RPS6KA5: variants seen among roughly 807,000 people sequenced by gnomAD.
RPS6KA5 encodes the protein ribosomal protein S6 kinase A5, also known as ribosomal protein S6 kinase alpha-5.
In RPS6KA5, 27 loss-of-function variants were observed where a neutral mutation model predicts 85.5. The ratio of observed to expected loss-of-function variants is 0.32; its 90% CI spans 0.23 to 0.44. The LOEUF (loss-of-function observed/expected upper bound fraction) is 0.44. Ranked by LOEUF, RPS6KA5 falls within the 20% of genes least tolerant of loss-of-function variation. The probability of loss-of-function intolerance (pLI) is 1.00; values close to 1 mark genes in which losing one functional copy is unlikely to be tolerated. For missense variants in RPS6KA5, 811 were observed against 980.9 expected (o/e 0.83, Z 2.31); for synonymous variants, 334 against 348.2 (o/e 0.96, Z 0.46).
At chr14:91,054,163 C>T (rs2043209307) in intron 1 of RPS6KA5, among the ~76,000 whole-genome samples, 1 of 152,164 alleles carries the variant, frequency 6.6e-6, no homozygotes, top group African/African-American at 2.4e-5. Context: ...GTCTGAATCA[C>T]TACCTCACAT....
intron 5 of RPS6KA5, among the ~76,000 whole-genome samples, chr14:90,929,872 T>C (rs936318863): frequency 7.2e-5 from 11 of 152,108 alleles, no homozygotes; most frequent in African/African-American, 2.7e-4. Context: ...GATAGGCTTT[T>C]TTTTCTTTTC....
In RPS6KA5 at chr14:90,869,680, T is replaced by G. The variant is rs1409689651; in HGVS notation, c.*2394A>C. 2 of 152,226 alleles carry G rather than the reference T, an allele frequency of 1.3e-5. No homozygotes were observed. Among genetic ancestry groups the G allele is most frequent in the African/African-American group, 4.8e-5 (2 of 41,458 alleles). The allele number at this position is 152,226 out of a possible 1,614,324, so 9.4% of individuals were successfully genotyped here. A position where few individuals can be genotyped will look rare whatever the true frequency, so the allele number is the denominator to read the frequency against. ...TTAACTTTTTATATATTTTGTAGTGTTTATTTTTGATGTGACCAAATGAAA... is the reference window on the plus strand; with the variant it reads ...TTAACTTTTTATATATTTTGTAGTGGTTATTTTTGATGTGACCAAATGAAA... On this transcript the variant is annotated 3_prime_UTR_variant, in exon 17 of 17. Transcript: ENST00000614987.
chr14:90,963,330 A>AT (rs1326525302), intron 3 of RPS6KA5, among the ~76,000 whole-genome samples: 7 of 152,362 alleles, frequency 4.6e-5, no homozygotes, highest in South Asian at 2.1e-4. Context: ...AACATCATTA[A>AT]TGTGGAGTCA....
At chr14:90,901,902 AGGGGCACGGT>A (rs2035190395) in intron 9 of RPS6KA5, among the ~76,000 whole-genome samples, 1 of 152,180 alleles carries the variant, frequency 6.6e-6, no homozygotes, top group Non-Finnish European at 1.5e-5. Flanking sequence ...ATGGGGGTTG[AGGGGCACGGT>A]GGCTCATGCC....
intron 5 of RPS6KA5, among the ~76,000 whole-genome samples, chr14:90,925,093 C>T (rs374444071): frequency 6.6e-6 from 1 of 152,162 alleles, no homozygotes; most frequent in East Asian, 1.9e-4. Flanking sequence ...CGCCAAAGAC[C>T]GGGCTCACAA....
intron 9 of RPS6KA5, 78 bp from the exon 10 acceptor site, chr14:90,900,814 T>C: frequency 7.8e-7 from 1 of 1,277,018 alleles, no homozygotes; most frequent in South Asian, 1.5e-5. Flanking sequence ...TGTAATGACT[T>C]TTTTTCCTTA....
intron 7 of RPS6KA5, among the ~76,000 whole-genome samples, chr14:90,910,405 G>T (rs766202610): frequency 6.6e-6 from 1 of 152,040 alleles, no homozygotes; most frequent in Non-Finnish European, 1.5e-5. Flanking sequence ...GATGGGAGAG[G>T]TACAGATACA....
chr14:90,926,026 A>G (rs1297053278), intron 5 of RPS6KA5, among the ~76,000 whole-genome samples: 1 of 152,092 alleles, frequency 6.6e-6, no homozygotes, highest in African/African-American at 2.4e-5. Flanking sequence ...GCAATAAAAA[A>G]GGCAGACTAA....
chr14:90,971,836 G>C (rs2039335323), intron 3 of RPS6KA5, among the ~76,000 whole-genome samples: 1 of 152,168 alleles, frequency 6.6e-6, no homozygotes, highest in African/African-American at 2.4e-5. Context: ...CAGCAAAACT[G>C]AGAGAAAGAA....
At chr14:90,965,540 G>C (rs1471803748) in intron 3 of RPS6KA5, among the ~76,000 whole-genome samples, 1 of 152,128 alleles carries the variant, frequency 6.6e-6, no homozygotes, top group Admixed American at 6.6e-5. Context: ...AGACAGTAAT[G>C]GGATTGTGGG....
intron 1 of RPS6KA5, among the ~76,000 whole-genome samples, chr14:91,034,983 A>G (rs1043223633): frequency 1.3e-5 from 2 of 152,102 alleles, no homozygotes; most frequent in Admixed American, 6.6e-5. Flanking sequence ...GGGAGGGGAG[A>G]CAAATATATA....
chr14:90,899,372 C>A lies in RPS6KA5; in HGVS notation c.1430G>T (p.Gly477Val). ...ATGCAACTTCACAATATTGGGGTGTCCTTCACAGAGTTTCAGAGCTGTTAT... is the reference window on the plus strand; with the variant it reads ...ATGCAACTTCACAATATTGGGGTGTACTTCACAGAGTTTCAGAGCTGTTAT... ...KEITALKLCE[G>V]HPNIVKLHEV... The change falls in exon 12 of 17, where the codon GGA (glycine) becomes GTA (valine). Residue 477 changes from glycine to valine, a missense_variant. Physicochemically the swap from Gly to Val is moderately radical, Grantham distance 109 (BLOSUM62 -3). Transcript: ENST00000614987. 6.2e-7 allele frequency: 1 copy of A among 1,612,560 alleles called. No homozygotes were observed. The highest frequency in any genetic ancestry group is 1.1e-5 in the South Asian group (1 of 90,998).
chr14:90,952,314 A>C (rs930161081), intron 3 of RPS6KA5, among the ~76,000 whole-genome samples: 30 of 152,372 alleles, frequency 2.0e-4, no homozygotes, highest in African/African-American at 5.0e-4. Context: ...CTCCAGGAAA[A>C]GTACAATGTT....
At chr14:91,017,342 A>G (rs1001503617) in intron 1 of RPS6KA5, among the ~76,000 whole-genome samples, 1 of 152,230 alleles carries the variant, frequency 6.6e-6, no homozygotes, top group Non-Finnish European at 1.5e-5. Context: ...TATTTCTGTC[A>G]CAACTACCAT....
At chr14:90,902,724 C>A in intron 9 of RPS6KA5, 84 bp downstream of exon 9, 2 of 1,305,388 alleles carry the variant, frequency 1.5e-6, no homozygotes, top group Admixed American at 2.4e-5. Flanking sequence ...ATGATGCCAA[C>A]AAAACTACTT....
At chr14:90,937,291 A>G (rs2037312381) in intron 5 of RPS6KA5, among the ~76,000 whole-genome samples, 1 of 152,096 alleles carries the variant, frequency 6.6e-6, no homozygotes, top group East Asian at 1.9e-4. Flanking sequence ...GGGGGCAAGG[A>G]GGTACAAGCA....
chr14:90,883,157 A>G (rs1056378471), intron 14 of RPS6KA5, among the ~76,000 whole-genome samples: 22 of 152,058 alleles, frequency 1.4e-4, no homozygotes, highest in African/African-American at 5.1e-4. Flanking sequence ...AGTTGTTTAT[A>G]TTGTCTTTCA....
chr14:90,988,805 T>C (rs2040179715), intron 2 of RPS6KA5, among the ~76,000 whole-genome samples: 2 of 151,818 alleles, frequency 1.3e-5, no homozygotes, highest in Admixed American at 6.6e-5. Context: ...AGAGCAAGAC[T>C]CCATCTCAAA....
intron 5 of RPS6KA5, among the ~76,000 whole-genome samples, chr14:90,936,269 C>T (rs565528861): frequency 5.3e-5 from 8 of 152,160 alleles, no homozygotes; most frequent in African/African-American, 1.9e-4. Context: ...AACCATTATC[C>T]AGAAATAATT....
Sources: gnomAD v4.1 joint callset for allele counts (sites outside exome capture counted in the v4.1 genomes callset) on GRCh38, gnomAD v4.1.1 for gene constraint, MANE v1.5 for transcripts, NCBI Gene and HGNC (gene_info 2026-07-23, HGNC 2026-07-21) for gene names.